The following PPARGC1A variants were observed in gnomAD, a reference collection of about 807,000 sequenced individuals.
PPARGC1A encodes the protein PPARG coactivator 1 alpha.
In PPARGC1A, 25 loss-of-function variants were observed where a neutral mutation model predicts 88.7. The observed-to-expected ratio is 0.28, with a 90% confidence interval of 0.21 to 0.39. PPARGC1A has a LOEUF of 0.39. Among genes scored for constraint, PPARGC1A ranks in the 10% least tolerant of loss-of-function variants. PPARGC1A has a pLI of 1.00. For synonymous variants in PPARGC1A, 363 were observed against 355.6 expected, an observed-to-expected ratio of 1.02 and a Z score of -0.24; for missense variants, 880 against 968.7, an observed-to-expected ratio of 0.91 and a Z score of 1.22.
the PPARGC1A span, among the ~76,000 whole-genome samples, chr4:24,081,132 G>T: frequency 6.6e-6 from 1 of 152,020 alleles, no homozygotes; most frequent in Non-Finnish European, 1.5e-5. Context: ...CTAATGAAAA[G>T]AATACATTTC....
chr4:24,077,624 GGTGTGTGTGT>G, the PPARGC1A span, among the ~76,000 whole-genome samples: 226 of 130,956 alleles, frequency 1.7e-3, 1 homozygote, highest in African/African-American at 4.0e-3. Flanking sequence ...TGTGTCTAGG[GGTGTGTGTGT>G]GTGTGTGTGT....
the PPARGC1A span, among the ~76,000 whole-genome samples, chr4:23,917,575 G>A: frequency 2.0e-5 from 3 of 150,534 alleles, no homozygotes; most frequent in Admixed American, 6.6e-5. Context: ...TGCCTGCCTC[G>A]GCTTCCCAAA....
chr4:23,867,072 G>A (rs1037530318), intron 2 of PPARGC1A, among the ~76,000 whole-genome samples: 1 of 152,068 alleles, frequency 6.6e-6, no homozygotes, highest in African/African-American at 2.4e-5. Context: ...AAATAAGAGG[G>A]TATTTAACTT....
the PPARGC1A span, among the ~76,000 whole-genome samples, chr4:24,153,636 A>C: frequency 6.6e-6 from 1 of 152,222 alleles, no homozygotes; most frequent in East Asian, 1.9e-4. Context: ...GTAGTCCATA[A>C]AAATTTCATA....
At chr4:24,410,821 T>C in the PPARGC1A span, among the ~76,000 whole-genome samples, 9 of 152,312 alleles carry the variant, frequency 5.9e-5, no homozygotes, top group South Asian at 1.9e-3. Context: ...CTTACACCAG[T>C]GGTTCGCCAG....
intron 10 of PPARGC1A, among the ~76,000 whole-genome samples, chr4:23,811,119 T>C (rs1432777905): frequency 6.6e-6 from 1 of 152,192 alleles, no homozygotes; most frequent in Non-Finnish European, 1.5e-5. Context: ...TCCAAAACTT[T>C]GACCTAAGTG....
chr4:24,448,267 C>A, the PPARGC1A span, among the ~76,000 whole-genome samples: 8 of 152,340 alleles, frequency 5.3e-5, no homozygotes, highest in East Asian at 1.4e-3. Flanking sequence ...GCACTTCCTA[C>A]CAAATACACA....
chr4:24,303,608 C>G, the PPARGC1A span, among the ~76,000 whole-genome samples: 1 of 152,174 alleles, frequency 6.6e-6, no homozygotes, highest in African/African-American at 2.4e-5. Context: ...ACATTTCAAA[C>G]AAGCCTCCAT....
the PPARGC1A span, among the ~76,000 whole-genome samples, chr4:24,430,344 C>T: frequency 2.7e-5 from 4 of 150,308 alleles, no homozygotes; most frequent in African/African-American, 7.4e-5. Context: ...CTGCAACCTC[C>T]GCTCCTGGGT....
chr4:24,334,218 G>A, the PPARGC1A span, among the ~76,000 whole-genome samples: 2 of 152,090 alleles, frequency 1.3e-5, no homozygotes, highest in Admixed American at 1.3e-4. Context: ...CACACCGTGA[G>A]AACCAAGTAC....
chr4:24,034,760 G>T, the PPARGC1A span, among the ~76,000 whole-genome samples: 2,455 of 152,282 alleles, frequency 0.016, 32 homozygotes, highest in Middle Eastern at 0.034. Flanking sequence ...AAGAAGAAAA[G>T]ACATTTTAAA....
chr4:24,109,822 T>C, the PPARGC1A span, among the ~76,000 whole-genome samples: 1 of 152,172 alleles, frequency 6.6e-6, no homozygotes, highest in African/African-American at 2.4e-5. Flanking sequence ...GCATGTGTTC[T>C]TGAAAATGCG....
the PPARGC1A span, among the ~76,000 whole-genome samples, chr4:24,349,092 G>A: frequency 0.16 from 24,617 of 152,202 alleles, 2,148 homozygotes; most frequent in Middle Eastern, 0.26. Flanking sequence ...GCCATCCAGC[G>A]AGTCTATCCA....
chr4:24,062,241 A>G, the PPARGC1A span, among the ~76,000 whole-genome samples: 1 of 152,212 alleles, frequency 6.6e-6, no homozygotes, highest in African/African-American at 2.4e-5. Context: ...CAATGACACT[A>G]TTGTAATACC....
intron 2 of PPARGC1A, among the ~76,000 whole-genome samples, chr4:23,851,672 C>A (rs774015803): frequency 2.0e-5 from 3 of 152,126 alleles, no homozygotes; most frequent in Non-Finnish European, 4.4e-5. Context: ...ACACTGTGAA[C>A]GCATTACTAA....
At chr4:24,042,324 A>C in the PPARGC1A span, among the ~76,000 whole-genome samples, 1 of 152,300 alleles carries the variant, frequency 6.6e-6, no homozygotes, top group South Asian at 2.1e-4. Context: ...GTGATGCAAC[A>C]CAAATTCCAC....
chr4:24,317,498 G>A, the PPARGC1A span, among the ~76,000 whole-genome samples: 1 of 132,168 alleles, frequency 7.6e-6, no homozygotes, highest in African/African-American at 2.8e-5. Flanking sequence ...TGAAAGAATG[G>A]AAGTCCAAAA....
intron 1 of PPARGC1A, 101 bp downstream of exon 1, chr4:23,889,803 T>C (rs566099498): frequency 1.3e-4 from 183 of 1,405,704 alleles, no homozygotes; most frequent in African/African-American, 8.4e-4. Flanking sequence ...ACTACTTTCC[T>C]GGCTCCTCTC....
At chr4:24,145,078 AGTGTGTGTGTGTGTGT>A in the PPARGC1A span, among the ~76,000 whole-genome samples, 7 of 144,220 alleles carry the variant, frequency 4.9e-5, no homozygotes, top group Non-Finnish European at 9.3e-5. Flanking sequence ...GTGTTGAATG[AGTGTGTGTGTGTGTGT>A]GTGTGTGTGT....
Sources: allele counts gnomAD v4.1 joint callset (sites outside exome capture counted in the v4.1 genomes callset), GRCh38; gene constraint gnomAD v4.1.1; transcripts MANE v1.5; gene names NCBI Gene and HGNC (gene_info 2026-07-23, HGNC 2026-07-21).